RELN: variants seen among roughly 807,000 people sequenced by gnomAD.
The protein encoded by RELN is reelin.
RELN carries 108 observed loss-of-function variants against 427.6 expected under a neutral mutation model. That is an observed-to-expected ratio of 0.25 (90% confidence interval 0.22 to 0.30). The LOEUF is 0.30. Ranked by LOEUF, RELN falls within the 10% of genes least tolerant of loss-of-function variation. RELN has a pLI of 1.00. For missense variants in RELN, 3,715 were observed against 4,302.8 expected, an observed-to-expected ratio of 0.86 and a Z score of 3.82; for synonymous variants, 1,524 against 1,513.4, an observed-to-expected ratio of 1.01 and a Z score of -0.16.
chr7:103,609,843 T>C (rs1831908203), intron 22 of RELN, among the ~76,000 whole-genome samples: 1 of 152,218 alleles, frequency 6.6e-6, no homozygotes, highest in African/African-American at 2.4e-5. Context: ...CTTATCTCTT[T>C]TATGCTTTTT....
chr7:103,501,087 G>C (rs1272484857), intron 52 of RELN, among the ~76,000 whole-genome samples, 165 bp from the exon 53 acceptor site: 1 of 152,108 alleles, frequency 6.6e-6, no homozygotes, highest in Non-Finnish European at 1.5e-5. Context: ...TATCTTTCTA[G>C]TAATGGAACT....
At position 103,603,527 on chromosome 7, in the gene RELN, C is replaced by T; in HGVS notation, c.3147-37G>A. ...CAGGGCTGAGTAGGCAGGTTACAGG[C>T]CCACCTGCCAATGCAATGGCCCTCT... On this transcript the variant is annotated intron_variant, in intron 23 of 64. Transcript: ENST00000428762. This position sits in a 1 kb window ranked among gnomAD's most constrained non-coding sequence, Gnocchi z 4.3. 6.6e-7 allele frequency: 1 copy of T among 1,510,806 alleles called. No individual in the cohort carries two copies. Among genetic ancestry groups the T allele is most frequent in the South Asian group, 1.1e-5 (1 of 88,934 alleles). The allele number at this position is 1,510,806 out of a possible 1,614,324, so 93.6% of individuals were successfully genotyped here. A position where few individuals can be genotyped will look rare whatever the true frequency, so the allele number is the denominator to read the frequency against.
At chr7:103,522,830 G>GACACATAGACACACAC (rs1829739268) in intron 47 of RELN, among the ~76,000 whole-genome samples, 1 of 4,016 alleles carries the variant, frequency 2.5e-4, no homozygotes, top group African/African-American at 1.3e-3. Context: ...ATCTCACACA[G>GACACATAGACACACAC]ACACACAGAC....
intron 24 of RELN, among the ~76,000 whole-genome samples, chr7:103,597,630 C>T (rs148564735): frequency 3.6e-3 from 542 of 152,084 alleles, no homozygotes; most frequent in South Asian, 0.02. Context: ...GTACTTGAAT[C>T]GAATCTCTCA....
chr7:103,605,800 C>T (rs1307437778), intron 22 of RELN, among the ~76,000 whole-genome samples: 3 of 152,184 alleles, frequency 2.0e-5, no homozygotes, highest in Non-Finnish European at 2.9e-5. Flanking sequence ...GTTAAAATTC[C>T]GACTAAGCCT....
At chr7:103,966,219 C>CA (rs879543900) in intron 1 of RELN, among the ~76,000 whole-genome samples, 79,412 of 151,870 alleles carry the variant, frequency 0.52, 20,934 homozygotes, top group African/African-American at 0.59. Flanking sequence ...GAAAATTACC[C>CA]GCTTTTTCCA....
rs62482572 is a variant in RELN at position 103,650,101 on chromosome 7, C to G, written c.2002+173G>C. ...TTCACTGGCTTTTTTTTTTTTTTTCCTGATTGCACATCCCTAGGCTTCTAA... is the reference window on the plus strand; with the variant it reads ...TTCACTGGCTTTTTTTTTTTTTTTCGTGATTGCACATCCCTAGGCTTCTAA... On this transcript the variant is annotated intron_variant, in intron 16 of 64. Transcript: ENST00000428762. Among the ~76,000 whole-genome samples, 3 of 125,270 alleles carry G rather than the reference C, an allele frequency of 2.4e-5. No homozygotes were observed. The South Asian group carries it at 7.3e-4, about 30-fold the overall frequency. 82.2% of individuals were successfully genotyped at this position (125,270 alleles called of 152,430 possible).
chr7:103,498,628 A>G (rs1398279822), intron 53 of RELN, among the ~76,000 whole-genome samples: 1 of 151,844 alleles, frequency 6.6e-6, no homozygotes, highest in African/African-American at 2.4e-5. Context: ...AGTAGCTGGG[A>G]TTACAGGTGT....
chr7:103,623,410 A>C (rs769394592), intron 20 of RELN, among the ~76,000 whole-genome samples: 11 of 152,242 alleles, frequency 7.2e-5, no homozygotes, highest in Non-Finnish European at 1.6e-4. Context: ...TGTTTCGTGA[A>C]AGGAAAATCC....
intron 63 of RELN, among the ~76,000 whole-genome samples, chr7:103,480,525 C>G (rs1356411633): frequency 6.6e-6 from 1 of 152,106 alleles, no homozygotes; most frequent in Non-Finnish European, 1.5e-5. Flanking sequence ...ATGTTACACT[C>G]TAAGACCAGA....
At chr7:103,743,795 C>T (rs1191909870) in intron 6 of RELN, among the ~76,000 whole-genome samples, 1 of 152,184 alleles carries the variant, frequency 6.6e-6, no homozygotes, top group Non-Finnish European at 1.5e-5. Flanking sequence ...GAGACTTAGA[C>T]TCCCACACAA....
intron 22 of RELN, among the ~76,000 whole-genome samples, chr7:103,608,295 A>G (rs1831866126): frequency 6.6e-6 from 1 of 152,232 alleles, no homozygotes; most frequent in Non-Finnish European, 1.5e-5. Context: ...AAACAATGAC[A>G]ATAACTAGTA....
intron 2 of RELN, among the ~76,000 whole-genome samples, chr7:103,902,442 G>A (rs1324236118): frequency 1.3e-5 from 2 of 152,034 alleles, no homozygotes; most frequent in Admixed American, 1.3e-4. Context: ...TTCAAGTGGA[G>A]AGGAACTTTT....
intron 60 of RELN, 40 bp from the exon 61 acceptor site, chr7:103,486,456 AC>A: frequency 6.9e-7 from 1 of 1,446,776 alleles, no homozygotes; most frequent in Non-Finnish European, 9.7e-7. Flanking sequence ...AAGTGGACCA[AC>A]CAGAGTCATT....
chr7:103,695,347 C>T (rs1423744404), intron 10 of RELN, among the ~76,000 whole-genome samples: 1 of 152,032 alleles, frequency 6.6e-6, no homozygotes, highest in Non-Finnish European at 1.5e-5. Flanking sequence ...AAAATTTCTA[C>T]TTAACGGCCA....
intron 3 of RELN, among the ~76,000 whole-genome samples, chr7:103,793,044 T>TGACCCAAG (rs1792205959): frequency 6.6e-6 from 1 of 152,152 alleles, no homozygotes; most frequent in East Asian, 1.9e-4. Flanking sequence ...ATGCAATAGG[T>TGACCCAAG]GACCCAAGGA....
chr7:103,983,863 CTGTG>C (rs59702742), intron 1 of RELN, among the ~76,000 whole-genome samples: 78,190 of 148,374 alleles, frequency 0.53, 20,475 homozygotes, highest in East Asian at 0.68. Flanking sequence ...CTTCATATTT[CTGTG>C]TGTGTGTGTG....
chr7:103,642,111 A>AT (rs1218615788), intron 16 of RELN, among the ~76,000 whole-genome samples: 2 of 152,178 alleles, frequency 1.3e-5, no homozygotes, highest in African/African-American at 4.8e-5. Context: ...TATCGGTAAT[A>AT]TAGTCAAGTT....
intron 2 of RELN, among the ~76,000 whole-genome samples, chr7:103,907,789 A>G (rs200999132): frequency 8.3e-5 from 7 of 83,890 alleles, no homozygotes; most frequent in Non-Finnish European, 1.6e-4. Flanking sequence ...TTAAAAAAAA[A>G]CTTATTTTTT....
Sources: gnomAD v4.1 joint callset for allele counts (sites outside exome capture counted in the v4.1 genomes callset) on GRCh38, gnomAD v4.1.1 for gene constraint, Gnocchi (gnomAD v3.1) non-coding constraint, MANE v1.5 for transcripts, NCBI Gene and HGNC (gene_info 2026-07-23, HGNC 2026-07-21) for gene names.